The following RUNX1T1 variants were observed in gnomAD, a reference collection of about 807,000 sequenced individuals.
RUNX1T1 encodes protein CBFA2T1.
Under a neutral mutation model 62.8 loss-of-function variants are expected in RUNX1T1, and 4 were observed. The ratio of observed to expected loss-of-function variants is 0.06; its 90% CI spans 0.03 to 0.15. The LOEUF (loss-of-function observed/expected upper bound fraction) is 0.15, where lower values mean the gene tolerates loss of function less well. Ranked by LOEUF, RUNX1T1 falls within the 10% of genes least tolerant of loss-of-function variation. RUNX1T1 has a pLI of 1.00. For missense variants in RUNX1T1, 508 were observed against 754.3 expected, an observed-to-expected ratio of 0.67 and a Z score of 3.82; for synonymous variants, 291 against 286.0, an observed-to-expected ratio of 1.02 and a Z score of -0.18.
intron 1 of RUNX1T1, among the ~76,000 whole-genome samples, chr8:92,053,668 T>C (rs1830572279): frequency 6.6e-6 from 1 of 152,206 alleles, no homozygotes; most frequent in Non-Finnish European, 1.5e-5. Context: ...TTACTGAAAA[T>C]TTTTATAAGA....
At chr8:92,035,745 A>C (rs1047317385) in intron 1 of RUNX1T1, among the ~76,000 whole-genome samples, 1 of 151,338 alleles carries the variant, frequency 6.6e-6, no homozygotes, top group African/African-American at 2.4e-5. Flanking sequence ...CAGAAAATCA[A>C]GATTGCCTTA....
intron 1 of RUNX1T1, among the ~76,000 whole-genome samples, chr8:92,087,673 C>T (rs1836344291): frequency 6.6e-6 from 1 of 152,124 alleles, no homozygotes; most frequent in Non-Finnish European, 1.5e-5. Context: ...CACAGCTTTA[C>T]ACATAGAAAA....
At chr8:91,970,521 TGAA>T in intron 10 of RUNX1T1, 134 bp downstream of exon 11, 1 of 721,876 alleles carries the variant, frequency 1.4e-6, no homozygotes, top group Non-Finnish European at 2.0e-6. Context: ...GCAAATTTCA[TGAA>T]TACCTTGACT....
chr8:92,058,558 A>G (rs1212157647), intron 1 of RUNX1T1, among the ~76,000 whole-genome samples: 6 of 152,300 alleles, frequency 3.9e-5, no homozygotes, highest in East Asian at 1.9e-4. Context: ...AGATTTACAA[A>G]CAGCACAGTT....
chr8:92,007,764 G>A (rs1821062794), intron 4 of RUNX1T1, among the ~76,000 whole-genome samples: 1 of 152,006 alleles, frequency 6.6e-6, no homozygotes, highest in African/African-American at 2.4e-5. Context: ...AAGCCCAGGA[G>A]TTTGAGACCA....
exon 3 of RUNX1T1, chr8:92,014,770 G>A (rs765277571): frequency 1.2e-5 from 20 of 1,613,872 alleles, no homozygotes; most frequent in Non-Finnish European, 1.7e-5. Context: ...CCATTGGGTG[G>A]TGAGGGGGCG....
intron 1 of RUNX1T1, among the ~76,000 whole-genome samples, chr8:92,057,639 G>T (rs1831252552): frequency 6.6e-6 from 1 of 152,070 alleles, no homozygotes; most frequent in African/African-American, 2.4e-5. Flanking sequence ...GAACTCTATG[G>T]GTTGAAAAAT....
chr8:91,995,945 A>G (rs1818575467), intron 5 of RUNX1T1, among the ~76,000 whole-genome samples: 1 of 152,170 alleles, frequency 6.6e-6, no homozygotes, highest in African/African-American at 2.4e-5. Context: ...CAAACAATTA[A>G]TTGCCATTTG....
At chr8:92,044,454 G>C (rs773267219) in intron 1 of RUNX1T1, among the ~76,000 whole-genome samples, 3 of 152,126 alleles carry the variant, frequency 2.0e-5, no homozygotes, top group Non-Finnish European at 4.4e-5. Flanking sequence ...AAGACCAAGA[G>C]GGTATAAGTC....
At chr8:91,959,488 GTATATA>G (rs60438153) in exon 11 of RUNX1T1, 1,656 of 86,294 alleles carry the variant, frequency 0.019, 56 homozygotes, top group African/African-American at 0.064. Context: ...GTGTGTGTGT[GTATATA>G]TATATATATA....
At position 91,974,387 on chromosome 8, in the gene RUNX1T1, G is replaced by C. The variant is rs540089129; in HGVS notation, c.1267+1518C>G. On this transcript the variant is annotated intron_variant, in intron 9 of 10. Transcript: ENST00000396218. The stretch of plus-strand genomic sequence containing the variant: ...ACTTGAGCAGATAATAGCACAAAAA[G>C]AATTCGGATTACACAAGACCTTACT... Among the ~76,000 whole-genome samples, 261 of 152,158 alleles carry C rather than the reference G, an allele frequency of 1.7e-3. 1 individual carries two copies. The highest frequency in any genetic ancestry group is 6.0e-3 in the African/African-American group (251 of 41,532).
At chr8:92,033,726 C>A (rs1237454866) in intron 1 of RUNX1T1, among the ~76,000 whole-genome samples, 2 of 152,090 alleles carry the variant, frequency 1.3e-5, no homozygotes. Flanking sequence ...AATCCGAGAA[C>A]TTTGGGAGGC....
chr8:92,033,918 G>A (rs1472477185), intron 1 of RUNX1T1, among the ~76,000 whole-genome samples: 1 of 151,906 alleles, frequency 6.6e-6, no homozygotes, highest in Admixed American at 6.6e-5. Context: ...GCAGTGAGCT[G>A]AGACTGCACC....
chr8:92,091,673 G>A (rs539747201), intron 1 of RUNX1T1, among the ~76,000 whole-genome samples: 8 of 152,232 alleles, frequency 5.3e-5, no homozygotes, highest in Admixed American at 2.0e-4. Context: ...AGAAACTGGT[G>A]CTATATTGGA....
At chr8:92,069,018 A>G (rs1159255761) in intron 2 of RUNX1T1, among the ~76,000 whole-genome samples, 1 of 152,164 alleles carries the variant, frequency 6.6e-6, no homozygotes, top group Non-Finnish European at 1.5e-5. Flanking sequence ...ATAATATTTA[A>G]CATTCCAGAT....
At chr8:91,957,796 C>T (rs1457835275), downstream of RUNX1T1, 2 of 224,832 alleles carry the variant, frequency 8.9e-6, no homozygotes, top group African/African-American at 2.2e-5. Flanking sequence ...TAAAATATAA[C>T]CCATTCAGAG....
chr8:92,020,266 C>T (rs958836529), intron 1 of RUNX1T1, among the ~76,000 whole-genome samples: 5 of 152,138 alleles, frequency 3.3e-5, no homozygotes, highest in Non-Finnish European at 7.4e-5. Context: ...AGCCCTGTTG[C>T]ATTTGTTTTG....
intron 1 of RUNX1T1, chr8:92,095,673 G>T: frequency 1.0e-6 from 1 of 979,330 alleles, no homozygotes. Flanking sequence ...ACACAGGCAG[G>T]AGGGAAGGAG....
At chr8:92,051,588 A>T (rs140143755) in intron 1 of RUNX1T1, among the ~76,000 whole-genome samples, 83 of 139,464 alleles carry the variant, frequency 6.0e-4, no homozygotes, top group African/African-American at 2.1e-3. Context: ...TCTCTCTCTC[A>T]CACACACACA....
Sources: allele counts gnomAD v4.1 joint callset (sites outside exome capture counted in the v4.1 genomes callset), GRCh38; gene constraint gnomAD v4.1.1; transcripts MANE v1.5; gene names NCBI Gene and HGNC (gene_info 2026-07-23, HGNC 2026-07-21).